XKR6: variants seen among roughly 807,000 people sequenced by gnomAD.
XKR6 encodes XK-related protein 6.
In XKR6, 22 loss-of-function variants were observed where a neutral mutation model predicts 56.7. The ratio of observed to expected loss-of-function variants is 0.39; its 90% confidence interval spans 0.28 to 0.55. XKR6 has a LOEUF of 0.55. XKR6 is among the 20% of genes least tolerant of loss of function. The probability of loss-of-function intolerance (pLI) is 0.66; values close to 1 mark genes in which losing one functional copy is unlikely to be tolerated. For synonymous variants in XKR6, 524 were observed against 387.8 expected, an observed-to-expected ratio of 1.35 and a Z score of -4.13; for missense variants, 852 against 889.0, an observed-to-expected ratio of 0.96 and a Z score of 0.53.
In XKR6 at chr8:11,023,639, T is replaced by G. The variant is rs557899003; in HGVS notation, c.765-98809A>C. On this transcript the variant is annotated intron_variant, in intron 1 of 2. Transcript: ENST00000416569. ...GAGGAGGAGCTGGTGAGAGGTGGCATAAAGGTCTGGCCTGTTCCCCTTTAT... is the reference window on the plus strand; with the variant it reads ...GAGGAGGAGCTGGTGAGAGGTGGCAGAAAGGTCTGGCCTGTTCCCCTTTAT... Among the ~76,000 whole-genome samples, 3 of 152,280 alleles carry G rather than the reference T, an allele frequency of 2.0e-5. No individual in the cohort carries two copies. In the South Asian group the frequency reaches 6.2e-4, roughly 32 times the overall value.
At chr8:11,185,573 C>G (rs866339657) in intron 1 of XKR6, among the ~76,000 whole-genome samples, 1 of 152,150 alleles carries the variant, frequency 6.6e-6, no homozygotes, top group Non-Finnish European at 1.5e-5. Context: ...AGATGAGAAT[C>G]AGTAGTCACT....
rs117548073 is a variant in XKR6, at chr8:10,995,675, G to T, written c.765-70845C>A. On this transcript the variant is annotated intron_variant, in intron 1 of 2. Coordinates refer to ENST00000416569, the MANE Select transcript of XKR6 (RefSeq NM_173683.4). ...TGCACTCCAGTCTGGGTGACAGAGT[G>T]AGACCCTATCTCCCCACCAAAAAAA... 5.7e-3 allele frequency among the ~76,000 whole-genome samples: 800 copies of T among 141,020 alleles called. 19 individuals carry two copies. Among genetic ancestry groups the T allele is most frequent in the East Asian group, 0.03 (152 of 5,046 alleles). The allele number at this position is 141,020 out of a possible 152,430, so 92.5% of individuals were successfully genotyped here.
intron 1 of XKR6, chr8:11,194,414 G>A (rs900442059): frequency 4.6e-5 from 7 of 152,114 alleles, no homozygotes; most frequent in African/African-American, 1.4e-4. Context: ...ATTGTCTTTA[G>A]GCAATTAGTC....
chr8:10,945,685 T>G (rs1801513486), intron 1 of XKR6, among the ~76,000 whole-genome samples: 1 of 152,202 alleles, frequency 6.6e-6, no homozygotes, highest in Non-Finnish European at 1.5e-5. Context: ...AATGAATGAA[T>G]GAACACATTG....
At chr8:10,915,694 A>T (rs1403673311) in intron 2 of XKR6, among the ~76,000 whole-genome samples, 1 of 152,240 alleles carries the variant, frequency 6.6e-6, no homozygotes, top group Non-Finnish European at 1.5e-5. Flanking sequence ...GCTTAACAAG[A>T]AGCCGTTTGG....
chr8:11,066,195 G>A (rs968505213), intron 1 of XKR6, among the ~76,000 whole-genome samples: 1 of 152,218 alleles, frequency 6.6e-6, no homozygotes, highest in African/African-American at 2.4e-5. Context: ...CTCTGCCCAA[G>A]GGAGGCACAT....
intron 1 of XKR6, among the ~76,000 whole-genome samples, chr8:11,187,056 C>T (rs1803312173): frequency 6.6e-6 from 1 of 152,218 alleles, no homozygotes; most frequent in South Asian, 2.1e-4. Flanking sequence ...TGACAACTGG[C>T]TAGTGTTGCT....
chr8:11,093,337 G>A (rs1315397755), intron 1 of XKR6, among the ~76,000 whole-genome samples: 2 of 152,200 alleles, frequency 1.3e-5, no homozygotes, highest in Admixed American at 1.3e-4. Context: ...TTTCAGGAGT[G>A]AGCCACCACG....
At chr8:11,137,684 GGA>G (rs747519206) in intron 1 of XKR6, 275 of 456,168 alleles carry the variant, frequency 6.0e-4, no homozygotes, top group Non-Finnish European at 7.4e-4. Context: ...CACAAGCAGC[GGA>G]GAGTCTGCTG....
chr8:10,973,374 C>T (rs765474172), intron 1 of XKR6, among the ~76,000 whole-genome samples: 1 of 152,174 alleles, frequency 6.6e-6, no homozygotes. Context: ...GGTTCCCTGG[C>T]CCCTGGACCC....
intron 1 of XKR6, among the ~76,000 whole-genome samples, chr8:10,955,107 G>T (rs965413066): frequency 6.6e-6 from 1 of 151,988 alleles, no homozygotes; most frequent in Non-Finnish European, 1.5e-5. Flanking sequence ...GACCTCAAGT[G>T]ATCCGTCAGC....
intron 1 of XKR6, among the ~76,000 whole-genome samples, chr8:11,150,552 T>G (rs1440945603): frequency 2.0e-5 from 3 of 152,248 alleles, no homozygotes; most frequent in Admixed American, 2.0e-4. Context: ...GACAGAATGA[T>G]CTCTTAAAAT....
rs533833016 is a variant in XKR6 at position 11,075,415 on chromosome 8, G to C, written c.764+125161C>G. Among the ~76,000 whole-genome samples, 21 of 152,286 alleles carry C rather than the reference G, an allele frequency of 1.4e-4. No individual in the cohort carries two copies. In the East Asian group the frequency reaches 3.9e-3, roughly 28 times the overall value. Reference sequence around the variant, plus strand: ...AACTGTTCCCAGAAACACCCGGTAGGTGCTTGATTCCTCTTGGCAAAAGCT... The same window carrying C: ...AACTGTTCCCAGAAACACCCGGTAGCTGCTTGATTCCTCTTGGCAAAAGCT... On this transcript the variant is annotated intron_variant, in intron 1 of 2. Transcript: ENST00000416569.
At chr8:11,002,940 G>A (rs140886297) in intron 1 of XKR6, among the ~76,000 whole-genome samples, 92 of 152,224 alleles carry the variant, frequency 6.0e-4, no homozygotes, top group African/African-American at 1.8e-3. Context: ...TGTTGGATAG[G>A]AGGCCCTTGT....
chr8:11,128,955 C>T (rs1799965266), intron 1 of XKR6: 2 of 456,520 alleles, frequency 4.4e-6, no homozygotes, highest in Non-Finnish European at 8.8e-6. Context: ...GCCAGAAAGT[C>T]TTTTTTTCAA....
At chr8:10,962,707 C>A (rs1802100507) in intron 1 of XKR6, among the ~76,000 whole-genome samples, 1 of 151,880 alleles carries the variant, frequency 6.6e-6, no homozygotes, top group Non-Finnish European at 1.5e-5. Flanking sequence ...CTCATTGCAA[C>A]CTCTGTCTCC....
intron 1 of XKR6, among the ~76,000 whole-genome samples, chr8:11,092,545 G>C (rs1281450519): frequency 6.6e-6 from 1 of 152,162 alleles, no homozygotes; most frequent in Non-Finnish European, 1.5e-5. Flanking sequence ...AGTGGGGACA[G>C]GGGGTATCCC....
chr8:10,975,970 C>T (rs549041778), intron 1 of XKR6, among the ~76,000 whole-genome samples: 68 of 152,188 alleles, frequency 4.5e-4, no homozygotes, highest in African/African-American at 1.6e-3. Flanking sequence ...ATCAGGAGAT[C>T]GAGACCATAC....
chr8:11,080,414 T>C (rs190232405), intron 1 of XKR6, among the ~76,000 whole-genome samples: 34 of 152,330 alleles, frequency 2.2e-4, no homozygotes, highest in African/African-American at 7.9e-4. Context: ...TCAAAAGAGA[T>C]ATCTTCTGCA....
Sources: gnomAD v4.1 joint callset for allele counts (sites outside exome capture counted in the v4.1 genomes callset) on GRCh38, gnomAD v4.1.1 for gene constraint, MANE v1.5 for transcripts, NCBI Gene and HGNC (gene_info 2026-07-23, HGNC 2026-07-21) for gene names.